VRK1: variants seen among roughly 807,000 people sequenced by gnomAD.
VRK1 encodes the protein VRK serine/threonine kinase 1, also known as serine/threonine-protein kinase VRK1.
Under a neutral mutation model 57.1 loss-of-function variants are expected in VRK1, and 33 were observed. The observed-to-expected ratio is 0.58, with a 90% CI of 0.44 to 0.77. VRK1 has a LOEUF of 0.77. Among genes scored for constraint, VRK1 ranks in the 30% least tolerant of loss-of-function variants. The probability of loss-of-function intolerance (pLI) is 0.00; values close to 1 mark genes in which losing one functional copy is unlikely to be tolerated. For missense variants in VRK1, 413 were observed against 477.3 expected (o/e 0.87, Z 1.25); for synonymous variants, 137 against 147.8 (o/e 0.93, Z 0.53).
intron 1 of VRK1, among the ~76,000 whole-genome samples, chr14:96,829,559 CTCTT>C (rs1227038188): frequency 1.3e-5 from 2 of 152,092 alleles, no homozygotes; most frequent in African/African-American, 4.8e-5. Flanking sequence ...TTATCTCTGT[CTCTT>C]TCTTCCATAT....
intron 1 of VRK1, among the ~76,000 whole-genome samples, chr14:96,832,256 T>G (rs1887036453): frequency 3.9e-5 from 6 of 152,130 alleles, no homozygotes; most frequent in Admixed American, 3.9e-4. Context: ...GGCTCAAAAC[T>G]GAGCTCAAAA....
At chr14:96,831,892 C>T (rs1195822606) in intron 1 of VRK1, among the ~76,000 whole-genome samples, 1 of 152,014 alleles carries the variant, frequency 6.6e-6, no homozygotes, top group Non-Finnish European at 1.5e-5. Context: ...GGTTTACTAC[C>T]ATAGGTGTAA....
intron 2 of VRK1, among the ~76,000 whole-genome samples, chr14:96,834,643 T>C (rs746021064): frequency 2.0e-5 from 3 of 152,210 alleles, no homozygotes; most frequent in Non-Finnish European, 2.9e-5. Context: ...TTATGAAACA[T>C]AGCTTGAAAT....
Position 96,830,996 on chromosome 14 carries a change from A to G in VRK1, c.-5-2471A>G, listed in dbSNP as rs1886981508. On this transcript the variant is annotated intron_variant, in intron 1 of 12. Transcript: ENST00000216639. ...TAGTTTTGAGAGTTGTAGAGGCAAC[A>G]GGCTTCAGCCTCTTGAGACCTCACC... Among the ~76,000 whole-genome samples the G allele has an allele frequency of 2.6e-5, 4 of 152,222 alleles. No homozygotes were observed. In the South Asian group the frequency reaches 6.2e-4, roughly 24 times the overall value.
chr14:96,855,873 C>T (rs899634385), intron 8 of VRK1, among the ~76,000 whole-genome samples: 3 of 152,102 alleles, frequency 2.0e-5, no homozygotes, highest in Non-Finnish European at 4.4e-5. Flanking sequence ...TATTTCTAGA[C>T]TAACAGTCTC....
chr14:96,823,535 C>T (rs1886684348), intron 1 of VRK1, among the ~76,000 whole-genome samples: 1 of 152,166 alleles, frequency 6.6e-6, no homozygotes. Flanking sequence ...ATTCTGTAGT[C>T]ATCAGGAACA....
intron 5 of VRK1, among the ~76,000 whole-genome samples, chr14:96,851,374 C>A (rs539827936): frequency 5.9e-5 from 9 of 152,160 alleles, no homozygotes; most frequent in Non-Finnish European, 1.2e-4. Flanking sequence ...CTGCTGACCT[C>A]AGGTGATCCA....
At position 96,876,060 on chromosome 14, in the gene VRK1, G is replaced by C. The variant is rs145241983; in HGVS notation, c.1099G>C (p.Glu367Gln). Residue 367 changes from glutamate (E) to glutamine (Q), a missense_variant, in exon 12 of 13, where the codon GAA becomes CAA. Glu to Gln is a conservative substitution (Grantham distance 29). Coordinates refer to ENST00000216639, the MANE Select transcript of VRK1 (RefSeq NM_003384.3). ...AAAGAAAGAAATTGAAGAAAGCAAG[G>C]AACCTGGTGTTGAAGATACGGAATG... ...KRKKEIEESK[E>Q]PGVEDTEWSN... The C allele has an allele frequency of 5.0e-6, 8 of 1,613,466 alleles. No homozygotes were observed. The highest frequency in any genetic ancestry group is 6.8e-6 in the Non-Finnish European group (8 of 1,179,680).
chr14:96,857,332 C>G (rs899085183), intron 10 of VRK1, among the ~76,000 whole-genome samples: 8 of 151,916 alleles, frequency 5.3e-5, no homozygotes, highest in Non-Finnish European at 8.8e-5. Context: ...CCAGGGACAG[C>G]CTCACTTGGA....
At chr14:96,868,113 C>A (rs1421842543) in intron 11 of VRK1, among the ~76,000 whole-genome samples, 1 of 152,148 alleles carries the variant, frequency 6.6e-6, no homozygotes, top group East Asian at 1.9e-4. Flanking sequence ...TTACAGACAT[C>A]TACTTCCAGT....
chr14:96,851,731 A>C (rs976347283), intron 5 of VRK1, among the ~76,000 whole-genome samples: 1 of 152,210 alleles, frequency 6.6e-6, no homozygotes, highest in Non-Finnish European at 1.5e-5. Flanking sequence ...GGTTAAAAGC[A>C]TGATTTTGCC....
chr14:96,831,544 TAA>T (rs1340628446), intron 1 of VRK1, among the ~76,000 whole-genome samples: 2 of 152,274 alleles, frequency 1.3e-5, no homozygotes, highest in Non-Finnish European at 2.9e-5. Context: ...GAAATAAAAC[TAA>T]AAATAAAAGC....
chr14:96,830,693 C>T (rs1886969677), intron 1 of VRK1, among the ~76,000 whole-genome samples: 1 of 151,940 alleles, frequency 6.6e-6, no homozygotes, highest in Non-Finnish European at 1.5e-5. Flanking sequence ...AGGCTTTGAT[C>T]CATTTTTGTT....
At chr14:96,800,044 A>C (rs1008723273) in intron 1 of VRK1, among the ~76,000 whole-genome samples, 4 of 151,968 alleles carry the variant, frequency 2.6e-5, no homozygotes, top group Non-Finnish European at 5.9e-5. Context: ...TAATGTTAAA[A>C]TGTAGAAAAT....
At chr14:96,832,773 C>CTTGCCCAGATGATT (rs1281708830) in intron 1 of VRK1, among the ~76,000 whole-genome samples, 2,087 of 152,264 alleles carry the variant, frequency 0.014, 53 homozygotes, top group African/African-American at 0.048. Flanking sequence ...ATGATTAAGC[C>CTTGCCCAGATGATT]ACAGTTTTTC....
chr14:96,840,382 G>A (rs1029393269), intron 3 of VRK1, among the ~76,000 whole-genome samples: 6 of 152,102 alleles, frequency 3.9e-5, no homozygotes, highest in African/African-American at 7.2e-5. Flanking sequence ...GCAGGGAAGC[G>A]GAAGCAAAGC....
chr14:96,852,081 A>T (rs1213770720), intron 5 of VRK1, among the ~76,000 whole-genome samples: 1 of 152,234 alleles, frequency 6.6e-6, no homozygotes, highest in African/African-American at 2.4e-5. Flanking sequence ...CAAATAGGTG[A>T]TGCTTTTCTG....
At chr14:96,798,241 C>T (rs7149461) in intron 1 of VRK1, among the ~76,000 whole-genome samples, 7,354 of 152,270 alleles carry the variant, frequency 0.048, 633 homozygotes, top group African/African-American at 0.17. Flanking sequence ...GCATCCTTTA[C>T]TGTTGCAGCT....
At chr14:96,876,569 T>C (rs913132431) in intron 12 of VRK1, among the ~76,000 whole-genome samples, 1 of 152,178 alleles carries the variant, frequency 6.6e-6, no homozygotes, top group African/African-American at 2.4e-5. Flanking sequence ...AACTCTTAAC[T>C]GTCAGGCCAA....
Sources: allele counts gnomAD v4.1 joint callset (sites outside exome capture counted in the v4.1 genomes callset), GRCh38; gene constraint gnomAD v4.1.1; transcripts MANE v1.5; gene names NCBI Gene and HGNC (gene_info 2026-07-23, HGNC 2026-07-21).